SLC36A2: variants seen among roughly 807,000 people sequenced by gnomAD.
SLC36A2 encodes the protein solute carrier family 36 member 2.
A neutral mutation model predicts 42.7 loss-of-function variants in SLC36A2; 39 were observed. The observed-to-expected ratio is 0.91, with a 90% CI of 0.71 to 1.19. SLC36A2 has a LOEUF of 1.19. Ranked by LOEUF, SLC36A2 falls within the 50% of genes most tolerant of loss-of-function variation. The pLI is 0.00. For missense variants in SLC36A2, 590 were observed against 613.7 expected, an observed-to-expected ratio of 0.96 and a Z score of 0.41; for synonymous variants, 237 against 240.8, an observed-to-expected ratio of 0.98 and a Z score of 0.15.
In SLC36A2 at chr5:151,315,356, T is replaced by C. The variant is rs762489625; in HGVS notation, c.*1461A>G. 1 of 152,360 alleles carries C rather than the reference T, an allele frequency of 6.6e-6. No individual in the cohort carries two copies. Among genetic ancestry groups the C allele is most frequent in the African/African-American group, 2.4e-5 (1 of 41,460 alleles). The allele number at this position is 152,360 out of a possible 1,614,324, so 9.4% of individuals were successfully genotyped here. On this transcript the variant is annotated 3_prime_UTR_variant, in exon 10 of 10. Transcript: ENST00000335244. ...AAATTTAAAGGGGAGAGGCTGGGCG[T>C]GGTGGCTCACACTTGTAATCTCAGC...
chr5:151,328,707 T>C (rs59011880), intron 7 of SLC36A2, among the ~76,000 whole-genome samples: 2,109 of 151,860 alleles, frequency 0.014, 37 homozygotes, highest in African/African-American at 0.047. Flanking sequence ...GTCTGAAGAG[T>C]GTGGGAAATC....
chr5:151,347,556 C>G lies in SLC36A2; in HGVS notation c.-96G>C. The G allele has an allele frequency of 1.3e-6, 2 of 1,488,276 alleles. No homozygotes were observed. Among genetic ancestry groups the G allele is most frequent in the South Asian group, 1.1e-5 (1 of 87,660 alleles). The allele number at this position is 1,488,276 out of a possible 1,614,324, so 92.2% of individuals were successfully genotyped here. Reference sequence around the variant, plus strand: ...TCTAGTGTAGATGTACACCCCAGCACAGTGGTGTGTGCCCGGGCTGGCTCT... The same window carrying G: ...TCTAGTGTAGATGTACACCCCAGCAGAGTGGTGTGTGCCCGGGCTGGCTCT... On this transcript the variant is annotated 5_prime_UTR_variant, in exon 1 of 10. Coordinates refer to ENST00000335244, the MANE Select transcript of SLC36A2 (RefSeq NM_181776.3).
Position 151,335,334 on chromosome 5 carries a change from TA to T in SLC36A2, c.738del (p.Thr247ProfsTer13). 1 of 1,611,496 alleles carries T rather than the reference TA, an allele frequency of 6.2e-7. No individual in the cohort carries two copies. The highest frequency in any genetic ancestry group is 2.2e-5 in the East Asian group (1 of 44,824). On this transcript the variant is annotated frameshift_variant, in exon 6 of 10. Transcript: ENST00000335244. LOFTEE classifies it high-confidence loss of function. Reference protein sequence around the residue: ...LVSLVIIIQYITQEIPDPSRL... With the variant: ...LVSLVIIIQYXTQEIPDPSRL... ...GGTGCATGGTGTGCACTCACCTGGG[TA>T]ATGTACTGTATGATGATGACCAAGC...
chr5:151,328,178 A>G (rs2127290547), intron 7 of SLC36A2, among the ~76,000 whole-genome samples: 1 of 152,330 alleles, frequency 6.6e-6, no homozygotes, highest in Middle Eastern at 3.4e-3. Flanking sequence ...TCTAAAAACA[A>G]AGTGCTTCCA....
At chr5:151,328,935 C>A (rs1755921697) in intron 7 of SLC36A2, among the ~76,000 whole-genome samples, 1 of 152,192 alleles carries the variant, frequency 6.6e-6, no homozygotes, top group Admixed American at 6.5e-5. Flanking sequence ...ACCCCAGAGG[C>A]AGACTTGGTC....
Position 151,339,016 on chromosome 5 carries a change from C to T in SLC36A2, c.525+44G>A, listed in dbSNP as rs138407810. On this transcript the variant is annotated intron_variant, in intron 5 of 9. Transcript: ENST00000335244. Reference sequence around the variant, plus strand: ...TGTCAAACAACTAGCAGTGGCGTGTCCTTGTCCATCTTTTCCCCTCCCGTT... The same window carrying T: ...TGTCAAACAACTAGCAGTGGCGTGTTCTTGTCCATCTTTTCCCCTCCCGTT... 100 of 1,412,218 alleles carry T rather than the reference C, an allele frequency of 7.1e-5. No homozygotes were observed. In the African/African-American group the frequency reaches 1.3e-3, roughly 18 times the overall value. The allele number at this position is 1,412,218 out of a possible 1,614,324, so 87.5% of individuals were successfully genotyped here.
chr5:151,332,433 G>A (rs1268942073), intron 7 of SLC36A2: 1 of 455,958 alleles, frequency 2.2e-6, no homozygotes. Context: ...GCTTACGGCA[G>A]TATCATTCAT....
At chr5:151,317,146 G>A (rs1483081027) in intron 9 of SLC36A2, 58 bp from the exon 10 acceptor site, 3 of 1,590,766 alleles carry the variant, frequency 1.9e-6, no homozygotes, top group African/African-American at 2.7e-5. Context: ...AGCTTTGAAA[G>A]TTTGTTCTTA....
At chr5:151,331,142 A>G (rs1249919592) in intron 7 of SLC36A2, among the ~76,000 whole-genome samples, 1 of 152,206 alleles carries the variant, frequency 6.6e-6, no homozygotes, top group Non-Finnish European at 1.5e-5. Context: ...ACCACATATG[A>G]AAACATGAAG....
chr5:151,327,359 C>T (rs1054099946), intron 7 of SLC36A2, among the ~76,000 whole-genome samples: 3 of 152,166 alleles, frequency 2.0e-5, no homozygotes, highest in Admixed American at 6.5e-5. Context: ...ATCCAAAGTC[C>T]AAGTACCTGC....
intron 1 of SLC36A2, among the ~76,000 whole-genome samples, chr5:151,345,619 C>G (rs1756471136): frequency 6.6e-6 from 1 of 152,198 alleles, no homozygotes; most frequent in South Asian, 2.1e-4. Flanking sequence ...TGACCGAGCA[C>G]TACACCCTAC....
chr5:151,347,301 T>C lies in SLC36A2; in HGVS notation c.160A>G (p.Ile54Val), dbSNP rs1554099364. 6.2e-7 allele frequency: 1 copy of C among 1,614,222 alleles called. No individual in the cohort carries two copies. Residue 54 changes from isoleucine (I) to valine (V), a missense_variant, in exon 1 of 10, where the codon ATA (isoleucine) becomes GTA (valine). Transcript: ENST00000335244. ...ESAGLKKTKG[I>V]TVFQALIHLV... Reference sequence around the variant, plus strand: ...ATGGCAGAAAACAGCACTCACGTTATGCCCTTGGTCTTCTTCAAGCCTGCT... The same window carrying C: ...ATGGCAGAAAACAGCACTCACGTTACGCCCTTGGTCTTCTTCAAGCCTGCT...
chr5:151,325,493 T>C, intron 7 of SLC36A2, 41 bp from the exon 8 acceptor site: 2 of 1,608,348 alleles, frequency 1.2e-6, no homozygotes, highest in South Asian at 1.1e-5. Context: ...AAGAGTAACA[T>C]GAACAAAAAG....
chr5:151,333,418 A>T (rs1374133554), intron 6 of SLC36A2, 96 bp from the exon 7 acceptor site: 8 of 1,023,860 alleles, frequency 7.8e-6, no homozygotes, highest in East Asian at 2.4e-5. Flanking sequence ...TGAATTTTTT[A>T]AAATTGAATA....
At chr5:151,323,591 G>C (rs1037759767) in intron 8 of SLC36A2, among the ~76,000 whole-genome samples, 1 of 150,468 alleles carries the variant, frequency 6.6e-6, no homozygotes, top group Non-Finnish European at 1.5e-5. Flanking sequence ...CCTGGACTCA[G>C]GTGTACCAGA....
intron 6 of SLC36A2, among the ~76,000 whole-genome samples, chr5:151,334,489 G>A (rs1306357109): frequency 1.3e-5 from 2 of 152,122 alleles, no homozygotes; most frequent in East Asian, 1.9e-4. Flanking sequence ...TCAGGAGTTC[G>A]AGACCAGCCT....
At chr5:151,326,152 G>A (rs1755846126) in intron 7 of SLC36A2, among the ~76,000 whole-genome samples, 1 of 152,142 alleles carries the variant, frequency 6.6e-6, no homozygotes, top group African/African-American at 2.4e-5. Flanking sequence ...CTTAAGAGCT[G>A]GAAGGGCCAC....
intron 4 of SLC36A2, among the ~76,000 whole-genome samples, chr5:151,339,614 A>G (rs1202705965): frequency 3.3e-5 from 5 of 152,186 alleles, no homozygotes; most frequent in Admixed American, 2.6e-4. Context: ...CCGGCCAACA[A>G]TAGTTCTTTT....
chr5:151,319,119 A>G (rs1755607883), intron 9 of SLC36A2: 2 of 969,060 alleles, frequency 2.1e-6, no homozygotes, highest in African/African-American at 1.8e-5. Flanking sequence ...TTCATTCTGC[A>G]TAGGACATAA....
Sources: allele counts gnomAD v4.1 joint callset (sites outside exome capture counted in the v4.1 genomes callset), GRCh38; gene constraint gnomAD v4.1.1; transcripts MANE v1.5; gene names NCBI Gene and HGNC (gene_info 2026-07-23, HGNC 2026-07-21).